Variants in MB21D2 observed in about 807,000 individuals in gnomAD.
MB21D2 encodes the protein nucleotidyltransferase MB21D2.
A neutral mutation model predicts 33.3 loss-of-function variants in MB21D2; 9 were observed. The ratio of observed to expected loss-of-function variants is 0.27; its 90% CI spans 0.16 to 0.47. The LOEUF (loss-of-function observed/expected upper bound fraction) is 0.47. Ranked by LOEUF, MB21D2 falls within the 20% of genes least tolerant of loss-of-function variation. MB21D2 has a pLI of 0.99. For synonymous variants in MB21D2, 241 were observed against 236.3 expected (o/e 1.02, Z -0.18); for missense variants, 540 against 624.6 (o/e 0.86, Z 1.44).
chr3:192,836,592 G>A (rs1403999059), intron 1 of MB21D2, among the ~76,000 whole-genome samples: 2 of 152,326 alleles, frequency 1.3e-5, no homozygotes, highest in East Asian at 1.9e-4. Flanking sequence ...ACAGCAAGCA[G>A]GCGGCCGTCT....
At chr3:192,872,946 C>A (rs936143622) in intron 1 of MB21D2, among the ~76,000 whole-genome samples, 3 of 152,120 alleles carry the variant, frequency 2.0e-5, no homozygotes, top group African/African-American at 7.2e-5. Flanking sequence ...CTTAACCCAA[C>A]AGATCCCAAA....
intron 1 of MB21D2, among the ~76,000 whole-genome samples, chr3:192,912,061 T>C (rs986154367): frequency 2.0e-5 from 3 of 152,148 alleles, no homozygotes; most frequent in East Asian, 1.9e-4. Context: ...ACTCTGGAGA[T>C]GTAGAAAGTG....
At chr3:192,855,540 G>T (rs1712898022) in intron 1 of MB21D2, among the ~76,000 whole-genome samples, 1 of 151,942 alleles carries the variant, frequency 6.6e-6, no homozygotes, top group Non-Finnish European at 1.5e-5. Context: ...GTGTAGAACT[G>T]AACCCACAAT....
At chr3:192,816,112 G>C (rs1298955747) in intron 1 of MB21D2, among the ~76,000 whole-genome samples, 1 of 152,048 alleles carries the variant, frequency 6.6e-6, no homozygotes, top group Non-Finnish European at 1.5e-5. Context: ...TGAATTGAGA[G>C]ACGACGACAG....
At chr3:192,902,431 C>T (rs978955242) in intron 1 of MB21D2, among the ~76,000 whole-genome samples, 2 of 152,112 alleles carry the variant, frequency 1.3e-5, no homozygotes, top group Admixed American at 6.6e-5. Context: ...CTATAAAGTG[C>T]GGACAGGTAA....
intron 1 of MB21D2, among the ~76,000 whole-genome samples, chr3:192,853,468 T>C (rs1228713493): frequency 6.6e-6 from 1 of 152,334 alleles, no homozygotes; most frequent in African/African-American, 2.4e-5. Context: ...TGCCCCTAAG[T>C]ACCTAAGTAA....
At chr3:192,826,718 A>G (rs1355494603) in intron 1 of MB21D2, among the ~76,000 whole-genome samples, 1 of 152,152 alleles carries the variant, frequency 6.6e-6, no homozygotes, top group African/African-American at 2.4e-5. Flanking sequence ...ATCTCCCTGC[A>G]TCTCTGGTAT....
At chr3:192,828,563 C>G (rs1301557317) in intron 1 of MB21D2, among the ~76,000 whole-genome samples, 1 of 100,490 alleles carries the variant, frequency 1.0e-5, no homozygotes, top group Non-Finnish European at 2.0e-5. Flanking sequence ...TTAAGGTATA[C>G]TTTATATACA....
intron 1 of MB21D2, among the ~76,000 whole-genome samples, chr3:192,848,383 G>A (rs765909634): frequency 6.6e-6 from 1 of 152,142 alleles, no homozygotes; most frequent in Non-Finnish European, 1.5e-5. Flanking sequence ...AAACTCTGGG[G>A]ACATCTTCAA....
At chr3:192,879,903 T>A (rs926887303) in intron 1 of MB21D2, among the ~76,000 whole-genome samples, 2 of 150,466 alleles carry the variant, frequency 1.3e-5, no homozygotes, top group East Asian at 2.0e-4. Context: ...TGACAAGGAG[T>A]AGACAAGGAG....
intron 1 of MB21D2, among the ~76,000 whole-genome samples, chr3:192,821,440 G>A (rs765386484): frequency 1.3e-5 from 2 of 152,052 alleles, no homozygotes; most frequent in Admixed American, 6.6e-5. Context: ...CTGGGAGACC[G>A]CAGAGCACCT....
chr3:192,797,014 C>G lies in MB21D2; in HGVS notation c.*1372G>C, dbSNP rs1428262000. ...AAAATGAACACGTTACTTGCCCTTTCTATGAGTAGACATCATGGGTGTCCT... is the reference window on the plus strand; with the variant it reads ...AAAATGAACACGTTACTTGCCCTTTGTATGAGTAGACATCATGGGTGTCCT... On this transcript the variant is annotated 3_prime_UTR_variant, in exon 2 of 2. Transcript: ENST00000392452. 2 of 152,622 alleles carry G rather than the reference C, an allele frequency of 1.3e-5. No homozygotes were observed. Among genetic ancestry groups the G allele is most frequent in the African/African-American group, 4.8e-5 (2 of 41,452 alleles). 9.5% of individuals were successfully genotyped at this position (152,622 alleles called of 1,614,324 possible).
chr3:192,878,701 T>C (rs1167192941), intron 1 of MB21D2, among the ~76,000 whole-genome samples: 1 of 152,182 alleles, frequency 6.6e-6, no homozygotes, highest in Non-Finnish European at 1.5e-5. Flanking sequence ...CAGTGGCTCA[T>C]GGCTATAATC....
At chr3:192,857,882 T>TA (rs1712952809) in intron 1 of MB21D2, among the ~76,000 whole-genome samples, 1 of 152,140 alleles carries the variant, frequency 6.6e-6, no homozygotes, top group African/African-American at 2.4e-5. Context: ...CCCAGCACTT[T>TA]GAGAGGCTGA....
At chr3:192,818,677 G>A (rs9826763) in intron 1 of MB21D2, among the ~76,000 whole-genome samples, 57,564 of 151,800 alleles carry the variant, frequency 0.38, 11,366 homozygotes, top group East Asian at 0.61. Context: ...TTATCTTTTC[G>A]TGTTTCTTTT....
chr3:192,844,069 C>T (rs924293399), intron 1 of MB21D2, among the ~76,000 whole-genome samples: 2 of 152,178 alleles, frequency 1.3e-5, no homozygotes, highest in African/African-American at 2.4e-5. Context: ...GATTTCTGCT[C>T]AACTTTTTTC....
chr3:192,852,666 A>G (rs911450716), intron 1 of MB21D2, among the ~76,000 whole-genome samples: 9 of 152,254 alleles, frequency 5.9e-5, no homozygotes, highest in African/African-American at 1.9e-4. Context: ...AGAGCAAAAT[A>G]AAAACCAATG....
At chr3:192,879,458 G>A (rs866608779) in intron 1 of MB21D2, among the ~76,000 whole-genome samples, 4 of 152,242 alleles carry the variant, frequency 2.6e-5, no homozygotes, top group Admixed American at 6.5e-5. Flanking sequence ...TAAAACAAAC[G>A]CCCGCTGGGC....
At chr3:192,823,793 G>C (rs1027050932) in intron 1 of MB21D2, among the ~76,000 whole-genome samples, 8 of 152,100 alleles carry the variant, frequency 5.3e-5, no homozygotes, top group Non-Finnish European at 4.4e-5. Context: ...ATGTTAACCT[G>C]TTTTATTCAA....
Sources: allele counts gnomAD v4.1 joint callset (sites outside exome capture counted in the v4.1 genomes callset), GRCh38; gene constraint gnomAD v4.1.1; transcripts MANE v1.5; gene names NCBI Gene and HGNC (gene_info 2026-07-23, HGNC 2026-07-21).